The following CCDC146 variants were observed in gnomAD, a reference collection of about 807,000 sequenced individuals.
The protein encoded by CCDC146 is coiled-coil domain containing 146.
A neutral mutation model predicts 119.3 loss-of-function variants in CCDC146; 92 were observed. The ratio of observed to expected loss-of-function variants is 0.77; its 90% CI spans 0.65 to 0.92. CCDC146 has a LOEUF of 0.92. CCDC146 is among the 40% of genes least tolerant of loss of function. CCDC146 has a pLI of 0.00. For missense variants in CCDC146, 1,000 were observed against 1,103.0 expected, an observed-to-expected ratio of 0.91 and a Z score of 1.32; for synonymous variants, 372 against 371.8, an observed-to-expected ratio of 1.00 and a Z score of -0.01.
rs1793740227 is a variant in CCDC146 at position 77,280,337 on chromosome 7, CT to C, written c.1695-89del. 15 of 978,370 alleles carry C rather than the reference CT, an allele frequency of 1.5e-5. No homozygotes were observed. The East Asian group carries it at 3.9e-4, about 26-fold the overall frequency. The allele number at this position is 978,370 out of a possible 1,614,324, so 60.6% of individuals were successfully genotyped here. A position where few individuals can be genotyped will look rare whatever the true frequency, so the allele number is the denominator to read the frequency against. ...AAGGGCTACACTAAAGCAAGGTCTG[CT>C]TTGATAGTGCTTGTGTTTCAGAAGC... On this transcript the variant is annotated intron_variant, in intron 13 of 18. Coordinates refer to ENST00000285871, the MANE Select transcript of CCDC146 (RefSeq NM_020879.3).
intron 2 of CCDC146, chr7:77,198,196 G>A (rs970266529): frequency 1.0e-6 from 1 of 985,336 alleles, no homozygotes; most frequent in East Asian, 1.1e-4. Context: ...TACCAATAGA[G>A]GTCCTTGAAA....
At chr7:77,287,297 GCAGGGAAAGTCTTAACC>G (rs1296482799) in intron 16 of CCDC146, 126 bp from the exon 17 acceptor site, 3 of 789,034 alleles carry the variant, frequency 3.8e-6, no homozygotes, top group Admixed American at 2.6e-5. Flanking sequence ...AGGGGCTGGG[GCAGGGAAAGTCTTAACC>G]CAGCTCTAAA....
chr7:77,202,571 T>C (rs1792012849), intron 2 of CCDC146, among the ~76,000 whole-genome samples: 1 of 152,186 alleles, frequency 6.6e-6, no homozygotes, highest in South Asian at 2.1e-4. Flanking sequence ...ACTCCTCTGT[T>C]GACCAGTTTC....
At chr7:77,233,086 T>G (rs903267820) in intron 2 of CCDC146, among the ~76,000 whole-genome samples, 1 of 85,484 alleles carries the variant, frequency 1.2e-5, no homozygotes, top group East Asian at 5.0e-4. Context: ...CTTTTGTTTC[T>G]TTTGTTTGTT....
At chr7:77,286,241 G>C (rs1793845615) in intron 15 of CCDC146, among the ~76,000 whole-genome samples, 3 of 152,192 alleles carry the variant, frequency 2.0e-5, no homozygotes, top group South Asian at 4.1e-4. Flanking sequence ...GCAAGAGAAA[G>C]AAGCAGAGGA....
chr7:77,204,935 A>G (rs1792056531), intron 2 of CCDC146, among the ~76,000 whole-genome samples: 1 of 152,218 alleles, frequency 6.6e-6, no homozygotes, highest in Non-Finnish European at 1.5e-5. Context: ...CTTGGGCAAC[A>G]TAGTGAGACC....
chr7:77,238,781 C>T (rs918330408), intron 3 of CCDC146, among the ~76,000 whole-genome samples: 6 of 152,140 alleles, frequency 3.9e-5, no homozygotes, highest in African/African-American at 1.2e-4. Flanking sequence ...TTCCTCCTCC[C>T]CTGGCCCACA....
At chr7:77,128,616 G>C in intron 1 of CCDC146, among the ~76,000 whole-genome samples, 1 of 151,408 alleles carries the variant, frequency 6.6e-6, no homozygotes, top group Non-Finnish European at 1.5e-5. Context: ...CTGCCACACA[G>C]AAATTGTAGG....
At chr7:77,226,267 A>G (rs1342209464) in intron 2 of CCDC146, among the ~76,000 whole-genome samples, 1 of 152,224 alleles carries the variant, frequency 6.6e-6, no homozygotes, top group Non-Finnish European at 1.5e-5. Context: ...TTTCACATTT[A>G]TATTACCTTC....
rs1419083318 is a variant in CCDC146, at chr7:77,261,638, C to T, written c.987-483C>T. Among the ~76,000 whole-genome samples the T allele has an allele frequency of 4.6e-5, 7 of 151,882 alleles. No homozygotes were observed. In the South Asian group the frequency reaches 8.3e-4, roughly 18 times the overall value. On this transcript the variant is annotated intron_variant, in intron 8 of 18. Coordinates refer to ENST00000285871, the MANE Select transcript of CCDC146 (RefSeq NM_020879.3). ...GACTACAGGCGCCCGCCACCGCGCC[C>T]GGCTAATTTTTTGTATTTTTAGTAG...
intron 11 of CCDC146, among the ~76,000 whole-genome samples, chr7:77,278,526 G>C (rs970029059): frequency 2.1e-5 from 3 of 142,452 alleles, no homozygotes; most frequent in Non-Finnish European, 4.5e-5. Context: ...GCTCACTGCA[G>C]CCTCGAATTC....
chr7:77,199,776 C>G (rs953537244), intron 2 of CCDC146: 3 of 1,613,716 alleles, frequency 1.9e-6, no homozygotes, highest in African/African-American at 1.3e-5. Flanking sequence ...TCAGCCAGTA[C>G]CAGTTAGCCA....
At position 77,256,523 on chromosome 7, in the gene CCDC146, C is replaced by A; in HGVS notation, c.684+14C>A. ...GTCGTCCTAAAGGTGTGCTACTTACCGTTGATATTTAAACATTGTGCCTTG... is the reference window on the plus strand; with the variant it reads ...GTCGTCCTAAAGGTGTGCTACTTACAGTTGATATTTAAACATTGTGCCTTG... On this transcript the variant is annotated intron_variant, in intron 6 of 18. Transcript: ENST00000285871. 2 of 1,584,486 alleles carry A rather than the reference C, an allele frequency of 1.3e-6. No homozygotes were observed. The highest frequency in any genetic ancestry group is 1.2e-5 in the South Asian group (1 of 85,272).
At chr7:77,208,134 C>T (rs973535677) in intron 2 of CCDC146, among the ~76,000 whole-genome samples, 12 of 152,112 alleles carry the variant, frequency 7.9e-5, no homozygotes, top group Non-Finnish European at 1.8e-4. Context: ...TTTTCTGAAC[C>T]CCTCAATTCC....
In CCDC146 at chr7:77,280,593, A is replaced by G; in HGVS notation, c.1859A>G (p.Glu620Gly). Residue 620 changes from glutamate to glycine, a missense_variant, in exon 14 of 19, where the codon GAA becomes GGA. Glu to Gly is a moderately conservative substitution (Grantham distance 98). Around this residue, in one of 2 missense-constraint regions of CCDC146, gnomAD observed 985 missense variants for 1,045.3 expected, o/e 0.94. Coordinates refer to ENST00000285871, the MANE Select transcript of CCDC146 (RefSeq NM_020879.3). ...CTTGCCAACACGATCACAATGATCG[A>G]AGAGGAGATGGTGCAGCTTCGCAAA... Reference protein sequence around the residue: ...DRLANTITMIEEEMVQLRKRY... With the variant: ...DRLANTITMIGEEMVQLRKRY... 4 of 1,614,128 alleles carry G rather than the reference A, an allele frequency of 2.5e-6. No individual in the cohort carries two copies. Among genetic ancestry groups the G allele is most frequent in the Non-Finnish European group, 3.4e-6 (4 of 1,179,990 alleles).
chr7:77,271,878 T>A (rs1793530060), intron 9 of CCDC146, among the ~76,000 whole-genome samples: 1 of 152,140 alleles, frequency 6.6e-6, no homozygotes, highest in Admixed American at 6.5e-5. Flanking sequence ...GAGCCTTTAG[T>A]TGACATAGTA....
At chr7:77,285,658 A>G (rs1206625597) in intron 15 of CCDC146, among the ~76,000 whole-genome samples, 2 of 152,208 alleles carry the variant, frequency 1.3e-5, no homozygotes, top group Non-Finnish European at 2.9e-5. Flanking sequence ...TTCAGTAGGA[A>G]AACTGAAAAT....
chr7:77,221,083 T>C (rs1168376542), intron 2 of CCDC146, among the ~76,000 whole-genome samples: 1 of 151,888 alleles, frequency 6.6e-6, no homozygotes, highest in East Asian at 1.9e-4. Flanking sequence ...TGCTACACAG[T>C]TTAAACCAAC....
At chr7:77,182,206 CA>C (rs1299555635) in intron 2 of CCDC146, among the ~76,000 whole-genome samples, 4 of 152,024 alleles carry the variant, frequency 2.6e-5, no homozygotes, top group African/African-American at 9.7e-5. Context: ...TGGACAGGCT[CA>C]AAATATCTTA....
Sources: gnomAD v4.1 joint callset for allele counts (sites outside exome capture counted in the v4.1 genomes callset) on GRCh38, gnomAD v4.1.1 for gene constraint, gnomAD v4.1.1 regional missense constraint, MANE v1.5 for transcripts, NCBI Gene and HGNC (gene_info 2026-07-23, HGNC 2026-07-21) for gene names.